Variants in WDR49 observed in about 807,000 individuals in gnomAD.
WDR49 encodes WD repeat domain 49, also known as cilia- and flagella-associated protein 337.
Under a neutral mutation model 119.5 loss-of-function variants are expected in WDR49, and 107 were observed. That is an observed-to-expected ratio of 0.90 (90% confidence interval 0.77 to 1.05). The LOEUF is 1.05. WDR49 is among the 50% of genes least tolerant of loss of function. The probability of loss-of-function intolerance (pLI) is 0.00; values close to 1 mark genes in which losing one functional copy is unlikely to be tolerated. For synonymous variants in WDR49, 425 were observed against 418.8 expected (o/e 1.01, Z -0.18); for missense variants, 1,240 against 1,220.5 (o/e 1.02, Z -0.24).
chr3:167,511,726 G>C (rs576536748), intron 16 of WDR49, among the ~76,000 whole-genome samples: 3 of 152,280 alleles, frequency 2.0e-5, no homozygotes. Context: ...CCAGAGGGAG[G>C]GGCAGTCACC....
chr3:167,516,365 T>C (rs994697903), intron 16 of WDR49, among the ~76,000 whole-genome samples: 1 of 151,698 alleles, frequency 6.6e-6, no homozygotes, highest in Non-Finnish European at 1.5e-5. Flanking sequence ...TTTTTTGTCC[T>C]TGCAATAGTT....
intron 18 of WDR49, among the ~76,000 whole-genome samples, chr3:167,479,570 T>G (rs1050156868): frequency 2.0e-5 from 3 of 152,196 alleles, no homozygotes; most frequent in African/African-American, 7.2e-5. Context: ...TTTAAACAAA[T>G]GCTTATTGAA....
chr3:167,493,397 C>T (rs143286727), intron 18 of WDR49, among the ~76,000 whole-genome samples: 3 of 152,280 alleles, frequency 2.0e-5, no homozygotes, highest in African/African-American at 7.2e-5. Flanking sequence ...TCCCTGTACC[C>T]TCTTATTGGT....
chr3:167,523,118 C>A (rs1194617372), intron 15 of WDR49, among the ~76,000 whole-genome samples: 1 of 152,114 alleles, frequency 6.6e-6, no homozygotes, highest in African/African-American at 2.4e-5. Flanking sequence ...ATGAGGGGAA[C>A]CGTAGGCATC....
intron 7 of WDR49, among the ~76,000 whole-genome samples, chr3:167,596,532 A>C (rs1715454470): frequency 6.6e-6 from 1 of 151,092 alleles, no homozygotes; most frequent in Non-Finnish European, 1.5e-5. Context: ...ATGGAATACT[A>C]TGCAGCCATA....
intron 18 of WDR49, among the ~76,000 whole-genome samples, chr3:167,481,083 A>T (rs1303818179): frequency 6.8e-6 from 1 of 148,056 alleles, no homozygotes; most frequent in African/African-American, 2.5e-5. Context: ...AAAAAAAATC[A>T]CCTCATTAAA....
At chr3:167,505,488 T>C (rs1038144574) in intron 16 of WDR49, 72 bp from the exon 17 acceptor site, 7 of 1,400,872 alleles carry the variant, frequency 5.0e-6, no homozygotes, top group Non-Finnish European at 2.8e-6. Flanking sequence ...TGGCTATGTG[T>C]ATCTTTGACC....
At chr3:167,492,131 T>C (rs899334985) in intron 18 of WDR49, among the ~76,000 whole-genome samples, 2 of 149,878 alleles carry the variant, frequency 1.3e-5, no homozygotes, top group African/African-American at 5.0e-5. Flanking sequence ...AGGAGAAATA[T>C]ATTGGTAATT....
At chr3:167,574,848 T>C (rs1714147210) in intron 8 of WDR49, among the ~76,000 whole-genome samples, 1 of 152,240 alleles carries the variant, frequency 6.6e-6, no homozygotes, top group Non-Finnish European at 1.5e-5. Context: ...TCAAATTAAC[T>C]GGTTGCCTTC....
At chr3:167,500,763 CAAT>C (rs1462087583) in intron 17 of WDR49, among the ~76,000 whole-genome samples, 2 of 152,114 alleles carry the variant, frequency 1.3e-5, no homozygotes, top group African/African-American at 4.8e-5. Context: ...ATTATGCACA[CAAT>C]GAGATGATAG....
At chr3:167,648,224 A>G (rs1214393550) in intron 2 of WDR49, among the ~76,000 whole-genome samples, 1 of 152,228 alleles carries the variant, frequency 6.6e-6, no homozygotes, top group African/African-American at 2.4e-5. Context: ...ATCAAATAAC[A>G]TGATGCCAAC....
upstream of WDR49, among the ~76,000 whole-genome samples, chr3:167,654,259 G>A (rs1440546817): frequency 1.3e-5 from 2 of 151,970 alleles, no homozygotes; most frequent in Admixed American, 6.6e-5. Context: ...TTTATACACA[G>A]AAAATGTTTT....
intron 5 of WDR49, among the ~76,000 whole-genome samples, chr3:167,605,715 T>C (rs1037166759): frequency 6.6e-5 from 10 of 152,224 alleles, no homozygotes; most frequent in Admixed American, 5.2e-4. Context: ...TGAGAGGCCA[T>C]GACAAATCAC....
At chr3:167,583,623 G>A (rs1292805636) in intron 7 of WDR49, among the ~76,000 whole-genome samples, 17 of 151,976 alleles carry the variant, frequency 1.1e-4, no homozygotes, top group Admixed American at 1.1e-3. Flanking sequence ...AAAAAACAAG[G>A]GAAAAAGAAA....
rs577567763 is a variant in WDR49 at position 167,576,107 on chromosome 3, C to G, written c.1320G>C (p.Arg440Ser). 7.4e-6 allele frequency: 12 copies of G among 1,613,970 alleles called. No homozygotes were observed. Among genetic ancestry groups the G allele is most frequent in the Non-Finnish European group, 9.3e-6 (11 of 1,180,016 alleles). The change falls in exon 8 of 19, where the codon AGG (arginine) becomes AGC (serine). Residue 440 changes from arginine to serine, a missense_variant. Arg to Ser is a moderately radical substitution (Grantham distance 110, BLOSUM62 -1). Transcript: ENST00000682715. The part of the protein sequence containing the change: ...WDIQHQLSIQ[R>S]IACSFPKSQD... ...GACTTTTGGGGAAAGAACAAGCTAT[C>G]CTCTGGATGGACAGCTGGTGTTGAA...
At chr3:167,625,865 C>G in intron 3 of WDR49, among the ~76,000 whole-genome samples, 1 of 149,952 alleles carries the variant, frequency 6.7e-6, no homozygotes, top group East Asian at 2.0e-4. Flanking sequence ...GTGGAAAATT[C>G]TAAAGGACAA....
chr3:167,511,096 C>T (rs1751954000), intron 16 of WDR49, among the ~76,000 whole-genome samples: 1 of 152,104 alleles, frequency 6.6e-6, no homozygotes, highest in East Asian at 1.9e-4. Context: ...GGACATTCTA[C>T]AGCTGACAAT....
At chr3:167,551,443 A>C (rs1712565426) in intron 10 of WDR49, among the ~76,000 whole-genome samples, 1 of 152,090 alleles carries the variant, frequency 6.6e-6, no homozygotes, top group Admixed American at 6.6e-5. Flanking sequence ...GCTTCAATTA[A>C]AATGACAAAA....
chr3:167,592,437 CTT>C (rs372398450), intron 7 of WDR49, among the ~76,000 whole-genome samples: 13 of 133,298 alleles, frequency 9.8e-5, no homozygotes, highest in Admixed American at 2.2e-4. Context: ...TTTTCTTTTT[CTT>C]TTTTTTTTTT....
Sources: allele counts gnomAD v4.1 joint callset (sites outside exome capture counted in the v4.1 genomes callset), GRCh38; gene constraint gnomAD v4.1.1; transcripts MANE v1.5; gene names NCBI Gene and HGNC (gene_info 2026-07-23, HGNC 2026-07-21).